NSMCE2: variants seen among roughly 807,000 people sequenced by gnomAD.
NSMCE2 encodes the protein NSE2 SUMO ligase component of SMC5/6 complex.
In NSMCE2, 24 loss-of-function variants were observed where a neutral mutation model predicts 23.8. The ratio of observed to expected loss-of-function variants is 1.01; its 90% confidence interval spans 0.73 to 1.42. The LOEUF (loss-of-function observed/expected upper bound fraction) is 1.42, where lower values mean the gene tolerates loss of function less well. Among genes scored for constraint, NSMCE2 ranks in the 40% most tolerant of loss-of-function variants. The pLI, the probability that NSMCE2 is intolerant of heterozygous loss-of-function variation, is 0.00. For synonymous variants in NSMCE2, 92 were observed against 94.1 expected, an observed-to-expected ratio of 0.98 and a Z score of 0.13; for missense variants, 284 against 296.5, an observed-to-expected ratio of 0.96 and a Z score of 0.31.
chr8:125,333,866 A>G (rs1829976859), intron 5 of NSMCE2, among the ~76,000 whole-genome samples: 1 of 152,092 alleles, frequency 6.6e-6, no homozygotes. Flanking sequence ...GCCATTTCCC[A>G]GATGAAGAAA....
chr8:125,334,239 G>C (rs1300801810), intron 5 of NSMCE2, among the ~76,000 whole-genome samples: 1 of 152,168 alleles, frequency 6.6e-6, no homozygotes, highest in East Asian at 1.9e-4. Flanking sequence ...AGTGGCAGCT[G>C]TCTGTGCCTC....
intron 5 of NSMCE2, among the ~76,000 whole-genome samples, chr8:125,191,471 G>A (rs1586588560): frequency 6.6e-6 from 1 of 152,294 alleles, no homozygotes; most frequent in East Asian, 1.9e-4. Flanking sequence ...GGATCTTCCA[G>A]ATCATAGAAC....
At chr8:125,179,906 C>T (rs1563701243) in intron 4 of NSMCE2, among the ~76,000 whole-genome samples, 1 of 152,194 alleles carries the variant, frequency 6.6e-6, no homozygotes, top group African/African-American at 2.4e-5. Flanking sequence ...TTATTATCTG[C>T]TTAGATCATC....
At chr8:125,211,067 G>A (rs1824317829) in intron 5 of NSMCE2, among the ~76,000 whole-genome samples, 1 of 151,956 alleles carries the variant, frequency 6.6e-6, no homozygotes, top group Admixed American at 6.6e-5. Context: ...ACCTTTTGTG[G>A]GAAACCTTCA....
intron 5 of NSMCE2, among the ~76,000 whole-genome samples, chr8:125,266,450 A>G (rs143999467): frequency 1.3e-4 from 20 of 152,352 alleles, no homozygotes; most frequent in African/African-American, 4.6e-4. Flanking sequence ...AAAATAGTTC[A>G]TAACAAGAAC....
At chr8:125,105,394 C>T (rs1419336544) in intron 3 of NSMCE2, among the ~76,000 whole-genome samples, 3 of 151,982 alleles carry the variant, frequency 2.0e-5, no homozygotes, top group Non-Finnish European at 4.4e-5. Flanking sequence ...TGGAACATAA[C>T]CCCTTGGGAG....
chr8:125,182,548 A>C (rs1822881807), intron 5 of NSMCE2: 1 of 458,544 alleles, frequency 2.2e-6, no homozygotes, highest in Admixed American at 4.3e-5. Flanking sequence ...ACAAAATAAA[A>C]GTGAAAACTA....
intron 5 of NSMCE2, among the ~76,000 whole-genome samples, chr8:125,288,843 G>A (rs537051991): frequency 6.6e-6 from 1 of 152,150 alleles, no homozygotes; most frequent in Admixed American, 6.5e-5. Flanking sequence ...CGCCCTAGCT[G>A]GAGTGCAGTG....
intron 5 of NSMCE2, among the ~76,000 whole-genome samples, chr8:125,267,496 C>T (rs945854089): frequency 6.6e-6 from 1 of 152,162 alleles, no homozygotes; most frequent in Non-Finnish European, 1.5e-5. Context: ...GCTAAGAAAT[C>T]AGTACTTTGC....
At chr8:125,175,728 AGAG>A (rs79791567) in intron 4 of NSMCE2, among the ~76,000 whole-genome samples, 10,075 of 152,294 alleles carry the variant, frequency 0.066, 429 homozygotes, top group South Asian at 0.15. Flanking sequence ...GATAATTGGA[AGAG>A]GAGGAGACTT....
intron 5 of NSMCE2, among the ~76,000 whole-genome samples, chr8:125,280,567 A>G (rs899744840): frequency 1.3e-5 from 2 of 152,218 alleles, no homozygotes; most frequent in African/African-American, 4.8e-5. Context: ...ATTCACTATC[A>G]TCATACTTAG....
At position 125,215,382 on chromosome 8, in the gene NSMCE2, T is replaced by C. The variant is rs547469516; in HGVS notation, c.418+33126T>C. On this transcript the variant is annotated intron_variant, in intron 5 of 7. Transcript: ENST00000287437. ...CAAAGGACATGAACTCATCATTTTT[T>C]ATGGCTGCATAGTATTCCATGGTGT... Among the ~76,000 whole-genome samples, 1,082 of 151,706 alleles carry C rather than the reference T, an allele frequency of 7.1e-3. 7 individuals carry two copies. The highest frequency in any genetic ancestry group is 7.9e-3 in the Non-Finnish European group (540 of 67,956).
intron 4 of NSMCE2, among the ~76,000 whole-genome samples, chr8:125,179,772 C>T (rs2130796088): frequency 6.6e-6 from 1 of 152,126 alleles, no homozygotes; most frequent in African/African-American, 2.4e-5. Flanking sequence ...AAATGCCTCT[C>T]CCCTCCATCC....
chr8:125,209,541 A>G (rs1229794145), intron 5 of NSMCE2, among the ~76,000 whole-genome samples: 1 of 152,202 alleles, frequency 6.6e-6, no homozygotes, highest in Non-Finnish European at 1.5e-5. Flanking sequence ...ACTTATACCA[A>G]TTTCCAAAGT....
At chr8:125,305,237 G>T (rs576313208) in intron 5 of NSMCE2, among the ~76,000 whole-genome samples, 10 of 152,302 alleles carry the variant, frequency 6.6e-5, no homozygotes, top group African/African-American at 2.2e-4. Flanking sequence ...TACATTATTT[G>T]ATTTAGTCAT....
At chr8:125,112,652 T>C (rs1278641012) in intron 3 of NSMCE2, among the ~76,000 whole-genome samples, 2 of 151,996 alleles carry the variant, frequency 1.3e-5, no homozygotes, top group African/African-American at 2.4e-5. Context: ...GAAAGATAAA[T>C]AGTGCTTGAT....
intron 5 of NSMCE2, among the ~76,000 whole-genome samples, chr8:125,290,080 A>T (rs1309701976): frequency 6.6e-6 from 1 of 152,170 alleles, no homozygotes; most frequent in East Asian, 1.9e-4. Flanking sequence ...AAAATGGGGA[A>T]CTTCTAGACA....
intron 5 of NSMCE2, among the ~76,000 whole-genome samples, chr8:125,240,130 CTTTTTT>C: frequency 6.9e-6 from 1 of 144,240 alleles, no homozygotes; most frequent in East Asian, 2.0e-4. Flanking sequence ...TTTTCTTTTT[CTTTTTT>C]TTTTTTTGAG....
intron 5 of NSMCE2, among the ~76,000 whole-genome samples, chr8:125,188,697 A>C (rs757061578): frequency 4.6e-5 from 7 of 152,104 alleles, no homozygotes; most frequent in Admixed American, 3.3e-4. Context: ...ATTTACTGTT[A>C]ATTTGTGATG....
Sources: allele counts gnomAD v4.1 joint callset (sites outside exome capture counted in the v4.1 genomes callset), GRCh38; gene constraint gnomAD v4.1.1; transcripts MANE v1.5; gene names NCBI Gene and HGNC (gene_info 2026-07-23, HGNC 2026-07-21).